The following ADCY2 variants were observed in gnomAD, a reference collection of about 807,000 sequenced individuals.
ADCY2 encodes adenylate cyclase 2, also known as adenylate cyclase type 2.
Under a neutral mutation model 125.2 loss-of-function variants are expected in ADCY2, and 31 were observed. That is an observed-to-expected ratio of 0.25 (90% CI 0.19 to 0.33). The LOEUF (loss-of-function observed/expected upper bound fraction) is 0.33, where lower values mean the gene tolerates loss of function less well. Among genes scored for constraint, ADCY2 ranks in the 10% least tolerant of loss-of-function variants. ADCY2 has a pLI of 1.00. For synonymous variants in ADCY2, 512 were observed against 548.4 expected (o/e 0.93, Z 0.93); for missense variants, 904 against 1,418.2 (o/e 0.64, Z 5.82).
chr5:7,501,961 G>A (rs1743610796), intron 2 of ADCY2, among the ~76,000 whole-genome samples: 2 of 152,078 alleles, frequency 1.3e-5, no homozygotes, highest in Admixed American at 6.5e-5. Context: ...CTAAGCTGGG[G>A]AAATACTATT....
intron 2 of ADCY2, among the ~76,000 whole-genome samples, chr5:7,424,675 A>G (rs1740323645): frequency 6.6e-6 from 1 of 152,252 alleles, no homozygotes; most frequent in East Asian, 1.9e-4. Context: ...TCGAATTGCC[A>G]GATGATATTT....
At chr5:7,700,497 CA>C (rs1340743837) in intron 7 of ADCY2, among the ~76,000 whole-genome samples, 22 of 35,128 alleles carry the variant, frequency 6.3e-4, no homozygotes, top group African/African-American at 2.0e-3. Context: ...ACCTTATCCT[CA>C]ACTTTTTTTT....
intron 21 of ADCY2, among the ~76,000 whole-genome samples, chr5:7,804,252 T>C (rs1356728597): frequency 6.6e-6 from 1 of 152,204 alleles, no homozygotes; most frequent in African/African-American, 2.4e-5. Flanking sequence ...AATTTTATAT[T>C]TATGCCTTTC....
At chr5:7,642,968 A>G (rs755315183) in intron 4 of ADCY2, among the ~76,000 whole-genome samples, 1 of 152,104 alleles carries the variant, frequency 6.6e-6, no homozygotes, top group Non-Finnish European at 1.5e-5. Context: ...TAAATGTGGA[A>G]ATGAAAGAAC....
chr5:7,734,277 A>G (rs149277587), intron 14 of ADCY2, among the ~76,000 whole-genome samples: 7 of 152,292 alleles, frequency 4.6e-5, no homozygotes, highest in Admixed American at 4.6e-4. Context: ...GATAGCTTGT[A>G]ATTAATACAT....
chr5:7,401,330 A>G (rs902418817), intron 1 of ADCY2, among the ~76,000 whole-genome samples: 3 of 152,058 alleles, frequency 2.0e-5, no homozygotes, highest in African/African-American at 7.2e-5. Context: ...GGAGAAGTGA[A>G]CTCATCTCTT....
intron 16 of ADCY2, among the ~76,000 whole-genome samples, chr5:7,762,494 A>G (rs900465037): frequency 2.0e-5 from 3 of 152,244 alleles, no homozygotes; most frequent in African/African-American, 7.2e-5. Flanking sequence ...CCAGGCAGAC[A>G]GGCAGGTTAG....
intron 4 of ADCY2, among the ~76,000 whole-genome samples, chr5:7,657,150 C>CA (rs1440471847): frequency 6.6e-6 from 1 of 152,120 alleles, no homozygotes; most frequent in East Asian, 1.9e-4. Flanking sequence ...TTCCAAGAAC[C>CA]AAAAAATTCT....
intron 3 of ADCY2, among the ~76,000 whole-genome samples, chr5:7,602,220 C>A (rs1360955832): frequency 6.6e-6 from 1 of 152,160 alleles, no homozygotes; most frequent in Non-Finnish European, 1.5e-5. Context: ...TCCAAGTGGA[C>A]ATAATTTTTG....
chr5:7,728,676 A>C (rs1373963675), intron 14 of ADCY2, among the ~76,000 whole-genome samples: 1 of 152,210 alleles, frequency 6.6e-6, no homozygotes, highest in Non-Finnish European at 1.5e-5. Flanking sequence ...TACATACGTG[A>C]AATAACTATT....
At chr5:7,433,395 T>TA (rs1362055096) in intron 2 of ADCY2, among the ~76,000 whole-genome samples, 2 of 152,126 alleles carry the variant, frequency 1.3e-5, no homozygotes, top group African/African-American at 2.4e-5. Flanking sequence ...GTCTTTAACT[T>TA]AAAAAAACCA....
At chr5:7,429,840 A>G (rs1740524333) in intron 2 of ADCY2, among the ~76,000 whole-genome samples, 1 of 152,222 alleles carries the variant, frequency 6.6e-6, no homozygotes, top group Admixed American at 6.5e-5. Flanking sequence ...TTGAACTTTC[A>G]CTTTAAGAAA....
rs1737556751 is a variant in ADCY2 at position 7,610,995 on chromosome 5, G to A, written c.571-15172G>A. Reference sequence around the variant, plus strand: ...TTTCTCATCAGCATCTTTCACTGCAGTGATTGCTATAGAAATCCTTGAGGT... The same window carrying A: ...TTTCTCATCAGCATCTTTCACTGCAATGATTGCTATAGAAATCCTTGAGGT... On this transcript the variant is annotated intron_variant, in intron 3 of 24. Transcript: ENST00000338316. The A allele has an allele frequency of 1.3e-5, 2 of 152,146 alleles. 1 individual carries two copies. The highest frequency in any genetic ancestry group is 4.8e-5 in the African/African-American group (2 of 41,420). 9.4% of individuals were successfully genotyped at this position (152,146 alleles called of 1,614,324 possible).
intron 3 of ADCY2, among the ~76,000 whole-genome samples, chr5:7,543,925 A>C (rs34476536): frequency 3.3e-5 from 5 of 149,992 alleles, no homozygotes; most frequent in African/African-American, 1.2e-4. Flanking sequence ...GAGGCAGGAG[A>C]ATGGCATGAA....
At chr5:7,794,476 T>C (rs1189667357) in intron 20 of ADCY2, 1 of 152,152 alleles carries the variant, frequency 6.6e-6, no homozygotes, top group Non-Finnish European at 1.5e-5. Context: ...TCAGTCCCCA[T>C]GGGAACAGCA....
At chr5:7,617,461 G>C (rs1737805503) in intron 3 of ADCY2, among the ~76,000 whole-genome samples, 1 of 152,070 alleles carries the variant, frequency 6.6e-6, no homozygotes. Flanking sequence ...CCAGTCTGTG[G>C]TATTTTATTA....
chr5:7,762,123 G>A (rs1469361975), intron 16 of ADCY2, among the ~76,000 whole-genome samples: 3 of 152,166 alleles, frequency 2.0e-5, no homozygotes, highest in Non-Finnish European at 2.9e-5. Flanking sequence ...GATTAAGGGG[G>A]AGAAGAAATC....
At chr5:7,825,606 GCTTT>G (rs1745451119) in intron 24 of ADCY2, among the ~76,000 whole-genome samples, 1 of 152,218 alleles carries the variant, frequency 6.6e-6, no homozygotes, top group South Asian at 2.1e-4. Context: ...CATTACCAGG[GCTTT>G]CTGTCTGCCC....
intron 6 of ADCY2, among the ~76,000 whole-genome samples, chr5:7,697,509 A>G (rs1386426610): frequency 6.6e-6 from 1 of 152,208 alleles, no homozygotes; most frequent in Non-Finnish European, 1.5e-5. Context: ...TGTAACTGTC[A>G]TGTTTTCTAG....
Sources: gnomAD v4.1 joint callset for allele counts (sites outside exome capture counted in the v4.1 genomes callset) on GRCh38, gnomAD v4.1.1 for gene constraint, MANE v1.5 for transcripts, NCBI Gene and HGNC (gene_info 2026-07-23, HGNC 2026-07-21) for gene names.